ZNG1A: variants seen among roughly 807,000 people sequenced by gnomAD.
The protein encoded by ZNG1A is zinc-regulated GTPase metalloprotein activator 1A.
the ZNG1A span, among the ~76,000 whole-genome samples, chr9:155,090 A>G: frequency 6.5e-4 from 98 of 151,896 alleles, 2 homozygotes; most frequent in African/African-American, 2.3e-3. Flanking sequence ...TGCTACAAAG[A>G]TAAGTCTCAA....
chr9:158,476 G>A, the ZNG1A span, among the ~76,000 whole-genome samples: 2 of 150,340 alleles, frequency 1.3e-5, no homozygotes, highest in African/African-American at 5.0e-5. Flanking sequence ...TGAAATTGCG[G>A]TTATTTGGCT....
At chr9:179,053 T>TCCCGG in the ZNG1A span, 1 of 836,566 alleles carries the variant, frequency 1.2e-6, no homozygotes. Flanking sequence ...AGCACGCCAC[T>TCCCGG]CCCGGCCTGC....
At chr9:121,418 G>A in the ZNG1A span, 1 of 1,117,482 alleles carries the variant, frequency 8.9e-7, no homozygotes, top group East Asian at 2.3e-5. Context: ...ATACCCAGTA[G>A]AAACTTATTT....
At chr9:156,849 A>C in the ZNG1A span, among the ~76,000 whole-genome samples, 1 of 152,170 alleles carries the variant, frequency 6.6e-6, no homozygotes, top group Non-Finnish European at 1.5e-5. Context: ...AGAAGATTAC[A>C]GTTCAGATTT....
the ZNG1A span, chr9:146,152 A>T: frequency 6.4e-7 from 1 of 1,567,638 alleles, no homozygotes; most frequent in East Asian, 2.2e-5. Flanking sequence ...CATTAGAGAG[A>T]TCAACTCTAA....
At chr9:127,204 A>T in the ZNG1A span, among the ~76,000 whole-genome samples, 1 of 152,014 alleles carries the variant, frequency 6.6e-6, no homozygotes, top group Non-Finnish European at 1.5e-5. Context: ...CATTTGTTCC[A>T]AGGTATAGTT....
chr9:177,821 C>A, the ZNG1A span: 3 of 1,364,446 alleles, frequency 2.2e-6, no homozygotes, highest in South Asian at 2.6e-5. Context: ...CTCTGAATAA[C>A]TGTGGGGAAA....
chr9:121,025 GTCAACA>G, the ZNG1A span: 134 of 166,786 alleles, frequency 8.0e-4, no homozygotes, highest in African/African-American at 3.0e-3. Flanking sequence ...TGATCAGGTC[GTCAACA>G]TCAACATCAA....
the ZNG1A span, among the ~76,000 whole-genome samples, chr9:175,214 C>G: frequency 2.0e-5 from 3 of 152,176 alleles, no homozygotes; most frequent in Admixed American, 1.3e-4. Context: ...CCTGTCTCTA[C>G]TAAAAATACA....
At chr9:155,737 T>C in the ZNG1A span, among the ~76,000 whole-genome samples, 6 of 152,024 alleles carry the variant, frequency 3.9e-5, no homozygotes, top group African/African-American at 1.5e-4. Context: ...CAAATCCAAT[T>C]TGGCTATTTT....
the ZNG1A span, among the ~76,000 whole-genome samples, chr9:163,810 G>A: frequency 4.1e-4 from 62 of 151,700 alleles, no homozygotes; most frequent in Non-Finnish European, 7.8e-4. Flanking sequence ...CCAGCTACTC[G>A]GGAGGCTGAG....
chr9:177,659 G>C, the ZNG1A span: 1 of 1,376,368 alleles, frequency 7.3e-7, no homozygotes, highest in Non-Finnish European at 9.9e-7. Flanking sequence ...CAGCAACAAG[G>C]TTGCTGGTAT....
At chr9:128,728 T>C in the ZNG1A span, among the ~76,000 whole-genome samples, 1 of 150,264 alleles carries the variant, frequency 6.7e-6, no homozygotes, top group African/African-American at 2.5e-5. Flanking sequence ...GCTAGTGGGA[T>C]TTTTTGGGGG....
chr9:133,948 C>T, the ZNG1A span, among the ~76,000 whole-genome samples: 2 of 135,980 alleles, frequency 1.5e-5, no homozygotes, highest in South Asian at 2.6e-4. Flanking sequence ...CCGCCCCAAA[C>T]GCTCATGGAA....
At chr9:160,043 G>A in the ZNG1A span, 1 of 454,330 alleles carries the variant, frequency 2.2e-6, no homozygotes, top group African/African-American at 2.0e-5. Flanking sequence ...TGCATTAAAT[G>A]CTGTCACATT....
chr9:126,661 G>C, the ZNG1A span, among the ~76,000 whole-genome samples: 1 of 151,596 alleles, frequency 6.6e-6, no homozygotes, highest in Non-Finnish European at 1.5e-5. Flanking sequence ...CCAGCTTTTT[G>C]TTTCATTTAT....
At chr9:127,228 TC>T in the ZNG1A span, among the ~76,000 whole-genome samples, 2 of 152,088 alleles carry the variant, frequency 1.3e-5, no homozygotes, top group Non-Finnish European at 2.9e-5. Context: ...ATCCACTGTT[TC>T]TTTGTTGACT....
chr9:129,603 G>A, the ZNG1A span, among the ~76,000 whole-genome samples: 1 of 149,918 alleles, frequency 6.7e-6, no homozygotes, highest in Non-Finnish European at 1.5e-5. Flanking sequence ...AATATCAGGT[G>A]TCTAAAACAG....
the ZNG1A span, among the ~76,000 whole-genome samples, chr9:129,812 G>A: frequency 9.1e-6 from 1 of 110,146 alleles, no homozygotes; most frequent in African/African-American, 2.7e-5. Flanking sequence ...TAGGTCTCAT[G>A]TTAAGTGTTT....
Sources: allele counts gnomAD v4.1 joint callset (sites outside exome capture counted in the v4.1 genomes callset), GRCh38; gene constraint gnomAD v4.1.1; transcripts MANE v1.5; gene names NCBI Gene and HGNC (gene_info 2026-07-23, HGNC 2026-07-21).